NELL2: variants seen among roughly 807,000 people sequenced by gnomAD.
NELL2 encodes the protein protein kinase C-binding protein NELL2.
A neutral mutation model predicts 109.6 loss-of-function variants in NELL2; 41 were observed. The ratio of observed to expected loss-of-function variants is 0.37; its 90% confidence interval spans 0.29 to 0.49. The LOEUF is 0.49. NELL2 is among the 20% of genes least tolerant of loss of function. The probability of loss-of-function intolerance (pLI) is 0.98; values close to 1 mark genes in which losing one functional copy is unlikely to be tolerated. For synonymous variants in NELL2, 355 were observed against 344.7 expected (o/e 1.03, Z -0.33); for missense variants, 900 against 1,008.3 (o/e 0.89, Z 1.45).
At chr12:44,806,106 T>G (rs530587087) in intron 3 of NELL2, among the ~76,000 whole-genome samples, 1 of 129,206 alleles carries the variant, frequency 7.7e-6, no homozygotes, top group East Asian at 2.2e-4. Context: ...TTAAGAAAAT[T>G]TAGTACATAA....
intron 12 of NELL2, among the ~76,000 whole-genome samples, chr12:44,688,269 C>T (rs1948790096): frequency 6.6e-6 from 1 of 152,140 alleles, no homozygotes; most frequent in Non-Finnish European, 1.5e-5. Flanking sequence ...TTATAATTGG[C>T]TTCAAATATA....
At chr12:44,666,084 C>G (rs549957556) in intron 12 of NELL2, among the ~76,000 whole-genome samples, 2 of 152,122 alleles carry the variant, frequency 1.3e-5, no homozygotes, top group East Asian at 3.9e-4. Context: ...GCCAATTGCA[C>G]AAGCTTATTA....
chr12:44,630,109 G>A (rs1946398211), intron 13 of NELL2, among the ~76,000 whole-genome samples: 1 of 152,234 alleles, frequency 6.6e-6, no homozygotes, highest in Admixed American at 6.5e-5. Context: ...TATATAATTT[G>A]TACTTGTATA....
chr12:44,644,610 A>ATATATATATATATATATATATATGTATG (rs1947010375), intron 13 of NELL2, among the ~76,000 whole-genome samples: 1 of 84,534 alleles, frequency 1.2e-5, no homozygotes, highest in Non-Finnish European at 2.3e-5. Context: ...ATATGTATGT[A>ATATATATATATATATATATATATGTATG]TATATATATA....
At chr12:44,767,404 C>T (rs1438778905) in intron 9 of NELL2, among the ~76,000 whole-genome samples, 1 of 152,148 alleles carries the variant, frequency 6.6e-6, no homozygotes, top group Non-Finnish European at 1.5e-5. Context: ...GCACTTCCAC[C>T]TGGTGCTCCC....
At chr12:44,661,032 A>G (rs933017268) in intron 13 of NELL2, among the ~76,000 whole-genome samples, 1 of 152,196 alleles carries the variant, frequency 6.6e-6, no homozygotes, top group African/African-American at 2.4e-5. Context: ...TGCAGATGCC[A>G]GGGAGAAGCA....
At chr12:44,609,497 C>T (rs750166063) in intron 14 of NELL2, among the ~76,000 whole-genome samples, 4 of 152,062 alleles carry the variant, frequency 2.6e-5, no homozygotes, top group Non-Finnish European at 5.9e-5. Flanking sequence ...CATTTTCAGA[C>T]TGCATTTGAC....
chr12:44,772,539 A>C lies in NELL2; in HGVS notation c.994+2208T>G, dbSNP rs1941590241. 2.0e-5 allele frequency among the ~76,000 whole-genome samples: 3 copies of C among 152,232 alleles called. 1 individual carries two copies. The highest frequency in any genetic ancestry group is 2.0e-4 in the Admixed American group (3 of 15,286). ...ACCGCTAAGAATATTCACCATATGA[A>C]CTAAATGCTTATTTCCCTAAGGGGA... On this transcript the variant is annotated intron_variant, in intron 9 of 19. Transcript: ENST00000429094.
At chr12:44,581,509 T>C (rs1479648774) in intron 15 of NELL2, among the ~76,000 whole-genome samples, 2 of 152,178 alleles carry the variant, frequency 1.3e-5, no homozygotes, top group African/African-American at 4.8e-5. Flanking sequence ...TAGAAATTCC[T>C]TCACAGGAAT....
At chr12:44,535,685 A>G (rs918342306) in intron 15 of NELL2, among the ~76,000 whole-genome samples, 1 of 151,950 alleles carries the variant, frequency 6.6e-6, no homozygotes, top group Non-Finnish European at 1.5e-5. Flanking sequence ...AATTAGTTCA[A>G]TTTGTAGCAA....
At chr12:44,791,113 A>ATATATATATGTG (rs1942393355) in intron 3 of NELL2, among the ~76,000 whole-genome samples, 1 of 9,972 alleles carries the variant, frequency 1.0e-4, no homozygotes, top group African/African-American at 3.6e-4. Context: ...ATATATGTAT[A>ATATATATATGTG]TATATATGTA....
At chr12:44,693,521 G>T (rs776775260) in intron 12 of NELL2, among the ~76,000 whole-genome samples, 2 of 152,100 alleles carry the variant, frequency 1.3e-5, no homozygotes, top group South Asian at 4.1e-4. Flanking sequence ...CGCCTAAGAA[G>T]AAATTTAGAA....
At chr12:44,897,216 A>T (rs921866104) in intron 1 of NELL2, among the ~76,000 whole-genome samples, 2 of 152,180 alleles carry the variant, frequency 1.3e-5, no homozygotes, top group African/African-American at 4.8e-5. Flanking sequence ...GAAACTGATC[A>T]TAACATTCTC....
rs1253893690 is a variant in NELL2, at chr12:44,791,166, CAT to C, written c.336-11146_336-11145del. ...GCACACACATACACACACACACACACATATATAGTATTCCATCATATATATAT... is the reference window on the plus strand; with the variant it reads ...GCACACACATACACACACACACACACATATAGTATTCCATCATATATATAT... On this transcript the variant is annotated intron_variant, in intron 3 of 19. Transcript: ENST00000429094. Among the ~76,000 whole-genome samples, 40 of 80,872 alleles carry C rather than the reference CAT, an allele frequency of 4.9e-4. 1 individual carries two copies. The highest frequency in any genetic ancestry group is 8.6e-4 in the Non-Finnish European group (37 of 43,114). 53.1% of individuals were successfully genotyped at this position (80,872 alleles called of 152,430 possible). A position where few individuals can be genotyped will look rare whatever the true frequency, so the allele number is the denominator to read the frequency against.
intron 15 of NELL2, among the ~76,000 whole-genome samples, chr12:44,576,368 GGTGA>G (rs1282921023): frequency 6.6e-6 from 1 of 152,096 alleles, no homozygotes; most frequent in Non-Finnish European, 1.5e-5. Flanking sequence ...GAGGGCAAGT[GGTGA>G]GTCTTTTCCA....
At chr12:44,797,679 C>T (rs568025649) in intron 3 of NELL2, among the ~76,000 whole-genome samples, 17 of 151,274 alleles carry the variant, frequency 1.1e-4, no homozygotes, top group South Asian at 4.2e-4. Context: ...TTAATGGTAT[C>T]GCTCCTTGAA....
intron 9 of NELL2, among the ~76,000 whole-genome samples, chr12:44,746,137 A>G (rs1333310595): frequency 6.6e-6 from 1 of 152,208 alleles, no homozygotes. Flanking sequence ...CCTCAGAAAT[A>G]ATGCCGCGTA....
rs1165616898 is a variant in NELL2 at position 44,839,624 on chromosome 12, T to C, written c.185-23488A>G. 5.9e-5 allele frequency among the ~76,000 whole-genome samples: 9 copies of C among 152,326 alleles called. No individual in the cohort carries two copies. The East Asian group carries it at 1.5e-3, about 26-fold the overall frequency. On this transcript the variant is annotated intron_variant, in intron 2 of 19. Transcript: ENST00000429094. ...GTGATGTCATTATCTAATTCCAATA[T>C]TTTTTGTCTTTTAGAATTTTTTTTC... is the stretch of plus-strand genomic sequence containing the variant.
chr12:44,626,486 CACA>C (rs1946269840), intron 13 of NELL2, among the ~76,000 whole-genome samples: 1 of 152,162 alleles, frequency 6.6e-6, no homozygotes, highest in South Asian at 2.1e-4. Flanking sequence ...TTTATTTCTT[CACA>C]ACACTTGTTC....
Sources: allele counts gnomAD v4.1 joint callset (sites outside exome capture counted in the v4.1 genomes callset), GRCh38; gene constraint gnomAD v4.1.1; transcripts MANE v1.5; gene names NCBI Gene and HGNC (gene_info 2026-07-23, HGNC 2026-07-21).